The following DIAPH2 variants were observed in gnomAD, a reference collection of about 807,000 sequenced individuals.
DIAPH2 encodes diaphanous related formin 2.
A neutral mutation model predicts 92.7 loss-of-function variants in DIAPH2; 35 were observed. That is an observed-to-expected ratio of 0.38 (90% CI 0.29 to 0.50). DIAPH2 has a LOEUF of 0.50. Ranked by LOEUF, DIAPH2 falls within the 20% of genes least tolerant of loss-of-function variation. The pLI, the probability that DIAPH2 is intolerant of heterozygous loss-of-function variation, is 0.94. For missense variants in DIAPH2, 701 were observed against 819.5 expected (o/e 0.86, Z 1.77); for synonymous variants, 301 against 280.4 (o/e 1.07, Z -0.73).
At chrX:96,814,980 CG>C (rs1247482411) in intron 4 of DIAPH2, among the ~76,000 whole-genome samples, 5 of 112,094 alleles carry the variant, frequency 4.5e-5, no homozygotes, top group Non-Finnish European at 9.4e-5. Flanking sequence ...TTAGGCTACA[CG>C]GGGGTCAGGG....
At chrX:97,362,927 T>A (rs757253540) in intron 24 of DIAPH2, among the ~76,000 whole-genome samples, 2 of 112,407 alleles carry the variant, frequency 1.8e-5, no homozygotes, top group Non-Finnish European at 3.8e-5. Context: ...GTGTAAATGT[T>A]TCCTAAAATT....
intron 26 of DIAPH2, chrX:97,442,060 C>G (rs1384919341): frequency 8.9e-6 from 1 of 112,712 alleles, no homozygotes; most frequent in Admixed American, 9.4e-5. Context: ...CACTCACTTC[C>G]TTGTCTGTTC....
chrX:96,901,237 G>A (rs2065391579), intron 5 of DIAPH2, among the ~76,000 whole-genome samples: 1 of 110,138 alleles, frequency 9.1e-6, no homozygotes. Flanking sequence ...AGATTTTCTA[G>A]TTTTCGTGTG....
intron 1 of DIAPH2, among the ~76,000 whole-genome samples, chrX:96,717,753 T>TG (rs1174676487): frequency 3.0e-5 from 3 of 98,783 alleles, no homozygotes; most frequent in African/African-American, 1.1e-4. Context: ...TTTCTTGTGC[T>TG]GGGGTTCTTT....
intron 26 of DIAPH2, among the ~76,000 whole-genome samples, chrX:97,482,217 T>C (rs1213165332): frequency 1.8e-5 from 2 of 112,369 alleles, no homozygotes; most frequent in African/African-American, 6.5e-5. Flanking sequence ...ATTCTCAATC[T>C]TTTTAAACAG....
intron 26 of DIAPH2, among the ~76,000 whole-genome samples, chrX:97,558,894 T>C (rs1407628250): frequency 8.9e-6 from 1 of 111,771 alleles, no homozygotes; most frequent in Non-Finnish European, 1.9e-5. Context: ...TTAGGAATTA[T>C]GATGGTTCAA....
At chrX:97,042,105 G>A (rs2066452190) in intron 17 of DIAPH2, among the ~76,000 whole-genome samples, 1 of 111,337 alleles carries the variant, frequency 9.0e-6, no homozygotes, top group African/African-American at 3.3e-5. Flanking sequence ...TTTTTAACAT[G>A]GATGTTAGTA....
intron 4 of DIAPH2, among the ~76,000 whole-genome samples, chrX:96,867,825 C>T (rs766309078): frequency 1.8e-5 from 2 of 111,343 alleles, no homozygotes; most frequent in African/African-American, 3.3e-5. Context: ...GAGTATCCCA[C>T]TAAGATACTA....
At chrX:96,960,270 CTTTAA>C (rs1167036655) in intron 16 of DIAPH2, among the ~76,000 whole-genome samples, 1 of 111,444 alleles carries the variant, frequency 9.0e-6, no homozygotes, top group East Asian at 2.8e-4. Context: ...TTTGTGTCCT[CTTTAA>C]TTTCTTTCAT....
intron 22 of DIAPH2, among the ~76,000 whole-genome samples, chrX:97,205,551 T>C (rs142184363): frequency 1.8e-5 from 2 of 111,933 alleles, no homozygotes; most frequent in East Asian, 5.6e-4. Flanking sequence ...AACAGATACA[T>C]GAAATAAAGC....
chrX:96,766,348 G>C (rs1306027798), intron 4 of DIAPH2, among the ~76,000 whole-genome samples: 1 of 110,781 alleles, frequency 9.0e-6, no homozygotes, highest in African/African-American at 3.3e-5. Flanking sequence ...TCACATTTGA[G>C]TTTGCAAATC....
At chrX:96,851,197 G>A (rs2065004254) in intron 4 of DIAPH2, among the ~76,000 whole-genome samples, 2 of 111,946 alleles carry the variant, frequency 1.8e-5, no homozygotes, top group Non-Finnish European at 3.8e-5. Context: ...TGCCTCCCAG[G>A]TTTAAGCAAT....
chrX:97,062,963 G>A (rs889464057), intron 17 of DIAPH2, among the ~76,000 whole-genome samples: 1 of 105,281 alleles, frequency 9.5e-6, no homozygotes, highest in African/African-American at 3.5e-5. Flanking sequence ...GAACCTGGGA[G>A]GCAGGGGTTG....
chrX:97,293,766 G>C (rs1236254118), intron 23 of DIAPH2, among the ~76,000 whole-genome samples: 1 of 111,271 alleles, frequency 9.0e-6, no homozygotes, highest in African/African-American at 3.3e-5. Context: ...ACACTCCAGG[G>C]AAAAACAACA....
intron 26 of DIAPH2, among the ~76,000 whole-genome samples, chrX:97,446,375 G>A (rs1207699416): frequency 8.9e-6 from 1 of 111,787 alleles, no homozygotes; most frequent in Non-Finnish European, 1.9e-5. Context: ...GAACAGGTTG[G>A]TAGGTTTAGC....
chrX:97,164,317 C>CAACT (rs2067396348), intron 22 of DIAPH2, among the ~76,000 whole-genome samples: 1 of 111,855 alleles, frequency 8.9e-6, no homozygotes, highest in Non-Finnish European at 1.9e-5. Context: ...ACAGGTCATA[C>CAACT]AACTGTACTT....
At chrX:97,185,431 ATATGTGTATATATATATGTG>A (rs1569323229) in intron 22 of DIAPH2, among the ~76,000 whole-genome samples, 10 of 63,946 alleles carry the variant, frequency 1.6e-4, no homozygotes, top group African/African-American at 9.7e-4. Flanking sequence ...ATGTATATAT[ATATGTGTATATATATATGTG>A]TGTGTATATA....
intron 23 of DIAPH2, among the ~76,000 whole-genome samples, chrX:97,279,671 A>G (rs1454961854): frequency 1.8e-5 from 2 of 111,543 alleles, no homozygotes; most frequent in Admixed American, 9.7e-5. Flanking sequence ...AAGGCAAACA[A>G]TTTTTGTAAA....
At chrX:97,436,244 G>A (rs2070185468) in intron 26 of DIAPH2, among the ~76,000 whole-genome samples, 1 of 111,358 alleles carries the variant, frequency 9.0e-6, no homozygotes, top group African/African-American at 3.3e-5. Flanking sequence ...AAATATAAAT[G>A]GGCTTCTCAG....
Sources: allele counts gnomAD v4.1 joint callset (sites outside exome capture counted in the v4.1 genomes callset), GRCh38; gene constraint gnomAD v4.1.1; transcripts MANE v1.5; gene names NCBI Gene and HGNC (gene_info 2026-07-23, HGNC 2026-07-21).